Variants in SLC15A4 observed in about 807,000 individuals in gnomAD.
SLC15A4 encodes the protein hPHT1.
In SLC15A4, 26 loss-of-function variants were observed where a neutral mutation model predicts 46.1. The observed-to-expected ratio is 0.56, with a 90% confidence interval of 0.41 to 0.78. The LOEUF is 0.78. Ranked by LOEUF, SLC15A4 falls within the 30% of genes least tolerant of loss-of-function variation. SLC15A4 has a pLI of 0.00. For missense variants in SLC15A4, 751 were observed against 755.7 expected, an observed-to-expected ratio of 0.99 and a Z score of 0.07; for synonymous variants, 370 against 333.4, an observed-to-expected ratio of 1.11 and a Z score of -1.20.
chr12:128,819,119 A>G (rs1460994127), intron 1 of SLC15A4, among the ~76,000 whole-genome samples: 2 of 152,174 alleles, frequency 1.3e-5, no homozygotes, highest in Non-Finnish European at 2.9e-5. Context: ...CATAAAAAAT[A>G]CTGGCCGAGC....
At chr12:128,794,654 G>C (rs1373326476) in intron 7 of SLC15A4, among the ~76,000 whole-genome samples, 1 of 152,168 alleles carries the variant, frequency 6.6e-6, no homozygotes, top group Non-Finnish European at 1.5e-5. Context: ...GTTCCCTGAG[G>C]AAACTAGAAA....
Position 128,794,015 on chromosome 12 carries a change from C to CTGCAA in SLC15A4, c.*180_*181insTTGCA, listed in dbSNP as rs1396595180. On this transcript the variant is annotated 3_prime_UTR_variant, in exon 8 of 8. Coordinates refer to ENST00000266771, the MANE Select transcript of SLC15A4 (RefSeq NM_145648.4). ...AGGGCCCAGCGTGCCAGGAGACACG[C>CTGCAA]TGCAGTAAGGCACTTACCAAGCTCC... 2 of 512,574 alleles carry CTGCAA rather than the reference C, an allele frequency of 3.9e-6. No individual in the cohort carries two copies. Among genetic ancestry groups the CTGCAA allele is most frequent in the Non-Finnish European group, 6.6e-6 (2 of 302,870 alleles). The allele number at this position is 512,574 out of a possible 1,614,324, so 31.8% of individuals were successfully genotyped here. A position where few individuals can be genotyped will look rare whatever the true frequency, so the allele number is the denominator to read the frequency against.
Position 128,810,082 on chromosome 12 carries a change from G to A in SLC15A4, c.872C>T (p.Ser291Phe). Residue 291 changes from serine to phenylalanine, a missense_variant, in exon 3 of 8, where the codon TCT becomes TTT. Physicochemically the swap from Ser to Phe is radical, Grantham distance 155. Coordinates refer to ENST00000266771, the MANE Select transcript of SLC15A4 (RefSeq NM_145648.4). ...ACATGAATCAAACAGACTTTGTTTA[G>A]AAGATTGCTGAAAGACTCCAATGCC... The part of the protein sequence containing the change: ...GEGIGVFQQS[S>F]KQSLFDSCKM... 1 of 1,613,188 alleles carries A rather than the reference G, an allele frequency of 6.2e-7. No individual in the cohort carries two copies. The highest frequency in any genetic ancestry group is 1.1e-5 in the South Asian group (1 of 90,988).
intron 7 of SLC15A4, among the ~76,000 whole-genome samples, chr12:128,796,579 T>C (rs1955447192): frequency 6.6e-6 from 1 of 152,242 alleles, no homozygotes; most frequent in Middle Eastern, 3.4e-3. Flanking sequence ...CCCTGAATTC[T>C]ACCAGACTAA....
At chr12:128,821,872 G>C (rs1398520875) in intron 1 of SLC15A4, among the ~76,000 whole-genome samples, 2 of 132,956 alleles carry the variant, frequency 1.5e-5, no homozygotes, top group South Asian at 5.2e-4. Context: ...GCAACAGAGC[G>C]AGACTCCGCC....
chr12:128,813,586 C>A (rs2035540), intron 2 of SLC15A4: 50,705 of 152,104 alleles, frequency 0.33, 8,607 homozygotes, highest in Non-Finnish European at 0.36. Flanking sequence ...GTAAGACAAA[C>A]ACAGACAGGC....
chr12:128,823,599 C>T lies in SLC15A4; in HGVS notation c.345G>A (p.Leu115=), dbSNP rs1178344695. 6.9e-7 allele frequency: 1 copy of T among 1,459,410 alleles called. No individual in the cohort carries two copies. Among genetic ancestry groups the T allele is most frequent in the East Asian group, 3.0e-5 (1 of 33,532 alleles). 90.4% of individuals were successfully genotyped at this position (1,459,410 alleles called of 1,614,324 possible). The part of the protein sequence containing the change: ...AILLSLALYL[L]GMLAFPLLAA... ...CCAGCAGCGGGAAGGCCAGCATGCC[C>T]AGCAGGTAGAGCGCCAGGCTCAGCA... The change falls in exon 1 of 8, where the codon CTG becomes CTA. Residue 115 remains leucine, a synonymous_variant. Transcript: ENST00000266771.
At chr12:128,818,988 C>T (rs1955796846) in intron 1 of SLC15A4, among the ~76,000 whole-genome samples, 1 of 152,182 alleles carries the variant, frequency 6.6e-6, no homozygotes, top group South Asian at 2.1e-4. Flanking sequence ...TTAGTTTATA[C>T]ATTCATCAGT....
chr12:128,794,329 T>G lies in SLC15A4; in HGVS notation c.1601A>C (p.Tyr534Ser). The change falls in exon 8 of 8, where the codon TAT (tyrosine) becomes TCT (serine). Residue 534 changes from tyrosine (Y) to serine (S), a missense_variant. Transcript: ENST00000266771. Reference sequence around the variant, plus strand: ...AATAGCAGCCAGAAGAAAAAAGTAATAGTTCAAATAGCAGCCGTTAATATT... The same window carrying G: ...AATAGCAGCCAGAAGAAAAAAGTAAGAGTTCAAATAGCAGCCGTTAATATT... ...FGNINGCYLN[Y>S]YFFLLAAIQG... The G allele has an allele frequency of 6.2e-7, 1 of 1,612,798 alleles. No individual in the cohort carries two copies.
intron 2 of SLC15A4, among the ~76,000 whole-genome samples, chr12:128,810,849 C>T (rs142815794): frequency 1.3e-5 from 2 of 152,190 alleles, no homozygotes; most frequent in African/African-American, 2.4e-5. Context: ...GAGGAAGATG[C>T]CGGGGCACAG....
chr12:128,809,573 C>A, intron 3 of SLC15A4, 100 bp from the exon 4 acceptor site: 1 of 702,552 alleles, frequency 1.4e-6, no homozygotes, highest in Non-Finnish European at 2.4e-6. Flanking sequence ...ATGCGACACA[C>A]AGTGACTCCC....
intron 5 of SLC15A4, among the ~76,000 whole-genome samples, chr12:128,806,902 CT>C (rs34407311): frequency 0.015 from 1,670 of 108,272 alleles, 21 homozygotes; most frequent in African/African-American, 0.047. Context: ...TTTGCTAGCG[CT>C]TTTTTTTTTT....
At chr12:128,814,546 G>A (rs1160810727) in intron 2 of SLC15A4, 2 of 510,686 alleles carry the variant, frequency 3.9e-6, no homozygotes, top group African/African-American at 1.9e-5. Context: ...AGTGCAACGT[G>A]GGGTTAAAGC....
intron 5 of SLC15A4, among the ~76,000 whole-genome samples, chr12:128,807,068 A>C (rs1283765758): frequency 1.3e-5 from 2 of 151,868 alleles, no homozygotes; most frequent in Non-Finnish European, 2.9e-5. Flanking sequence ...ATGGCCAGCT[A>C]ATTTTTGTAT....
At position 128,810,063 on chromosome 12, in the gene SLC15A4, A is replaced by G; in HGVS notation, c.891T>C (p.Asp297=). Residue 297 remains aspartate (D), a synonymous_variant, in exon 3 of 8, where the codon GAT becomes GAC. Transcript: ENST00000266771. Reference sequence around the variant, plus strand: ...GCCCACCATGAGACATCTTACATGAATCAAACAGACTTTGTTTAGAAGATT... The same window carrying G: ...GCCCACCATGAGACATCTTACATGAGTCAAACAGACTTTGTTTAGAAGATT... The part of the protein sequence containing the change: ...FQQSSKQSLF[D]SCKMSHGGPF... 1.9e-6 allele frequency: 3 copies of G among 1,614,140 alleles called. No individual in the cohort carries two copies. The highest frequency in any genetic ancestry group is 3.3e-5 in the Admixed American group (2 of 60,024).
Position 128,801,025 on chromosome 12 carries a change from AG to A in SLC15A4, c.1259-17del. On this transcript the variant is annotated splice_polypyrimidine_tract_variant and intron_variant, in intron 5 of 7. Coordinates refer to ENST00000266771, the MANE Select transcript of SLC15A4 (RefSeq NM_145648.4). ...TCCAAAATTCCTAGAATTCAAAAGT[AG>A]GTTAGTGTAATATTCATTTATTAAC... 1 of 1,586,416 alleles carries A rather than the reference AG, an allele frequency of 6.3e-7. No homozygotes were observed. Among genetic ancestry groups the A allele is most frequent in the Non-Finnish European group, 8.6e-7 (1 of 1,166,276 alleles).
chr12:128,794,180 C>T lies in SLC15A4; in HGVS notation c.*16G>A, dbSNP rs1315768460. The stretch of plus-strand genomic sequence containing the variant: ...TGACATGTCAGCCTCAGAAACCGCA[C>T]ATGGCCTCAGGAAGGTCAGGCCCTC... On this transcript the variant is annotated 3_prime_UTR_variant, in exon 8 of 8. Coordinates refer to ENST00000266771, the MANE Select transcript of SLC15A4 (RefSeq NM_145648.4). 5 of 1,599,228 alleles carry T rather than the reference C, an allele frequency of 3.1e-6. No individual in the cohort carries two copies. The highest frequency in any genetic ancestry group is 3.3e-4 in the Middle Eastern group (2 of 5,978).
intron 5 of SLC15A4, among the ~76,000 whole-genome samples, chr12:128,803,834 C>A (rs762952912): frequency 8.6e-5 from 13 of 151,204 alleles, no homozygotes; most frequent in African/African-American, 2.4e-4. Context: ...CGGGACGACA[C>A]GACGAATTGG....
intron 7 of SLC15A4, among the ~76,000 whole-genome samples, chr12:128,796,440 A>C (rs1241590877): frequency 1.8e-5 from 2 of 113,594 alleles, no homozygotes; most frequent in Non-Finnish European, 4.0e-5. Flanking sequence ...AAAAAAAAAA[A>C]AAAAAAAAAA....
Sources: allele counts gnomAD v4.1 joint callset (sites outside exome capture counted in the v4.1 genomes callset), GRCh38; gene constraint gnomAD v4.1.1; transcripts MANE v1.5; gene names NCBI Gene and HGNC (gene_info 2026-07-23, HGNC 2026-07-21).